The following NF1 variants were observed in gnomAD, a reference collection of about 807,000 sequenced individuals.
NF1 encodes the protein neurofibromin 1.
NF1 carries 122 observed loss-of-function variants against 325.7 expected under a neutral mutation model. That is an observed-to-expected ratio of 0.37 (90% CI 0.32 to 0.44). NF1 has a LOEUF of 0.44. Ranked by LOEUF, NF1 falls within the 20% of genes least tolerant of loss-of-function variation. The pLI is 1.00. For missense variants in NF1, 2,140 were observed against 3,415.4 expected, an observed-to-expected ratio of 0.63 and a Z score of 9.31; for synonymous variants, 1,091 against 1,186.0, an observed-to-expected ratio of 0.92 and a Z score of 1.65.
intron 5 of NF1, among the ~76,000 whole-genome samples, chr17:31,176,936 T>C (rs1290197019): frequency 6.6e-6 from 1 of 152,178 alleles, no homozygotes; most frequent in Non-Finnish European, 1.5e-5. Context: ...AGTCAGGTAG[T>C]GTGATTCCTC....
rs60267436 is a variant in NF1 at position 31,313,722 on chromosome 17, A to ATGTG, written c.4836-12065_4836-12062dup. 9.2e-3 allele frequency among the ~76,000 whole-genome samples: 1,282 copies of ATGTG among 139,010 alleles called. 7 individuals are homozygous for ATGTG. Among genetic ancestry groups the ATGTG allele is most frequent in the African/African-American group, 0.013 (489 of 36,318 alleles). The allele number at this position is 139,010 out of a possible 152,430, so 91.2% of individuals were successfully genotyped here. ...CTCTATCTCAAAAAAAAAAAAAAAT[A>ATGTG]TGTGTGTGTGTGTGTGTGTGTGTGT... is the stretch of plus-strand genomic sequence containing the variant. On this transcript the variant is annotated intron_variant, in intron 36 of 57. Coordinates refer to ENST00000358273, the MANE Select transcript of NF1 (RefSeq NM_001042492.3).
intron 36 of NF1, chr17:31,296,378 A>T (rs1285472768): frequency 1.9e-6 from 3 of 1,609,718 alleles, no homozygotes; most frequent in Non-Finnish European, 2.5e-6. Flanking sequence ...ATATGCAAAT[A>T]CAGTTTAGGC....
chr17:31,293,506 G>A (rs2068394608), intron 36 of NF1, among the ~76,000 whole-genome samples: 5 of 152,174 alleles, frequency 3.3e-5, no homozygotes, highest in Admixed American at 3.3e-4. Context: ...TAGACAGCAT[G>A]AAAGATGACT....
intron 1 of NF1, among the ~76,000 whole-genome samples, chr17:31,123,377 C>A (rs551927464): frequency 6.6e-6 from 1 of 152,228 alleles, no homozygotes; most frequent in South Asian, 2.1e-4. Context: ...TCCTTATTTT[C>A]CATTTTCATT....
In NF1 at chr17:31,242,849, G is replaced by A. The variant is rs193053716; in HGVS notation, c.3975-6135G>A. Among the ~76,000 whole-genome samples the A allele has an allele frequency of 1.7e-3, 261 of 152,278 alleles. 1 individual carries two copies. The highest frequency in any genetic ancestry group is 6.8e-3 in the Middle Eastern group (2 of 294). On this transcript the variant is annotated intron_variant, in intron 29 of 57. Transcript: ENST00000358273. ...TTTTCTGGATGGTCTTGATGCTTAT[G>A]GATGTTCATTAGTGCCTGGGCATTG...
chr17:31,345,381 C>G, intron 48 of NF1: 1 of 1,227,130 alleles, frequency 8.1e-7, no homozygotes, highest in Non-Finnish European at 1.1e-6. Context: ...CTCTCCTTCC[C>G]CCTGTAGGGG....
intron 11 of NF1, among the ~76,000 whole-genome samples, chr17:31,205,591 A>G (rs1253060238): frequency 1.3e-5 from 2 of 152,214 alleles, no homozygotes; most frequent in Non-Finnish European, 2.9e-5. Context: ...TAGAAAATAC[A>G]TAAAATAATT....
At chr17:31,352,155 A>G (rs1333102865) in intron 50 of NF1, 102 bp from the exon 51 acceptor site, 2 of 1,049,334 alleles carry the variant, frequency 1.9e-6, no homozygotes, top group Non-Finnish European at 2.9e-6. Flanking sequence ...AAATTAATTG[A>G]TTGCTGTTGT....
chr17:31,263,329 A>G (rs2067728016), intron 35 of NF1, among the ~76,000 whole-genome samples: 1 of 152,042 alleles, frequency 6.6e-6, no homozygotes, highest in African/African-American at 2.4e-5. Context: ...GGTCCCAGCT[A>G]CCTGGGAGGC....
At chr17:31,193,325 T>A (rs1365251909) in intron 8 of NF1, among the ~76,000 whole-genome samples, 1 of 152,196 alleles carries the variant, frequency 6.6e-6, no homozygotes, top group Non-Finnish European at 1.5e-5. Flanking sequence ...TGGTGTTCCC[T>A]AAATTGAATA....
rs2067013109 is a variant in NF1, at chr17:31,226,360, G to T, written c.2002-75G>T. 5.6e-6 allele frequency: 5 copies of T among 893,348 alleles called. No homozygotes were observed. The South Asian group carries it at 6.1e-5, about 11-fold the overall frequency. The allele number at this position is 893,348 out of a possible 1,614,324, so 55.3% of individuals were successfully genotyped here. A position where few individuals can be genotyped will look rare whatever the true frequency, so the allele number is the denominator to read the frequency against. On this transcript the variant is annotated intron_variant, in intron 17 of 57. Transcript: ENST00000358273. ...ACACACACACACACACACACACACA[G>T]TTTATTGCATTGTTAGATTTTATAC... is the stretch of plus-strand genomic sequence containing the variant.
chr17:31,248,606 C>G (rs1465920713), intron 29 of NF1, among the ~76,000 whole-genome samples: 1 of 152,026 alleles, frequency 6.6e-6, no homozygotes, highest in Non-Finnish European at 1.5e-5. Flanking sequence ...GCAGTCTTGG[C>G]TCACTGCAGC....
At chr17:31,121,269 A>G (rs1467111024) in intron 1 of NF1, among the ~76,000 whole-genome samples, 1 of 152,250 alleles carries the variant, frequency 6.6e-6, no homozygotes, top group Non-Finnish European at 1.5e-5. Flanking sequence ...TAAACAAGGG[A>G]CATTCTGCCA....
chr17:31,173,868 T>C (rs536554225), intron 5 of NF1, among the ~76,000 whole-genome samples: 1 of 152,330 alleles, frequency 6.6e-6, no homozygotes, highest in Non-Finnish European at 1.5e-5. Flanking sequence ...ATATAACACA[T>C]TTAAGATGTC....
rs868407539 is a variant in NF1 at position 31,232,792 on chromosome 17, G to C, written c.3407G>C (p.Arg1136Pro). ...GGTGGCAGGAAACGTGGCATGTCTC[G>C]GAGGCTGGCATCACTGAGGCACTGT... The part of the protein sequence containing the change: ...QTGGRKRGMS[R>P]RLASLRHCTV... Residue 1136 changes from arginine (R) to proline (P), a missense_variant, in exon 26 of 58, where the codon CGG becomes CCG. This residue lies in a region of NF1 where 380 missense variants were observed against 639.3 expected (regional missense o/e 0.59). Coordinates refer to ENST00000358273, the MANE Select transcript of NF1 (RefSeq NM_001042492.3). 6.2e-7 allele frequency: 1 copy of C among 1,614,084 alleles called. No homozygotes were observed. The highest frequency in any genetic ancestry group is 8.5e-7 in the Non-Finnish European group (1 of 1,180,006).
Position 31,247,078 on chromosome 17 carries a change from C to G in NF1, c.3975-1906C>G, listed in dbSNP as rs566939621. On this transcript the variant is annotated intron_variant, in intron 29 of 57. Transcript: ENST00000358273. The stretch of plus-strand genomic sequence containing the variant: ...GGCGTGGTGGTGGTGCGCCTGTAGT[C>G]CCATCTACTTGGGAGGCTGAGGCAG... Among the ~76,000 whole-genome samples the G allele has an allele frequency of 7.4e-4, 112 of 151,964 alleles. 1 individual carries two copies. The highest frequency in any genetic ancestry group is 7.2e-3 in the Admixed American group (110 of 15,254).
At chr17:31,234,052 C>T (rs1451156081) in intron 27 of NF1, among the ~76,000 whole-genome samples, 1 of 152,146 alleles carries the variant, frequency 6.6e-6, no homozygotes, top group Non-Finnish European at 1.5e-5. Flanking sequence ...CTTTAGAGCA[C>T]CCTTGCTGCT....
chr17:31,134,448 C>G (rs778973413), intron 1 of NF1, among the ~76,000 whole-genome samples: 1 of 152,074 alleles, frequency 6.6e-6, no homozygotes, highest in Non-Finnish European at 1.5e-5. Flanking sequence ...AGCTTTATGA[C>G]CTTGAACATA....
At chr17:31,298,186 C>A (rs2068504799) in intron 36 of NF1, among the ~76,000 whole-genome samples, 1 of 152,048 alleles carries the variant, frequency 6.6e-6, no homozygotes, top group African/African-American at 2.4e-5. Flanking sequence ...TTTAAAATTA[C>A]ATGAAATGAT....
Sources: gnomAD v4.1 joint callset for allele counts (sites outside exome capture counted in the v4.1 genomes callset) on GRCh38, gnomAD v4.1.1 for gene constraint, gnomAD v4.1.1 regional missense constraint, MANE v1.5 for transcripts, NCBI Gene and HGNC (gene_info 2026-07-23, HGNC 2026-07-21) for gene names.